DPYD: variants seen among roughly 807,000 people sequenced by gnomAD.
DPYD encodes the protein dihydropyrimidine dehydrogenase, also known as dihydropyrimidine dehydrogenase [NADP(+)].
A neutral mutation model predicts 116.2 loss-of-function variants in DPYD; 109 were observed. The ratio of observed to expected loss-of-function variants is 0.94; its 90% confidence interval spans 0.80 to 1.10. DPYD has a LOEUF of 1.10. DPYD is among the 50% of genes least tolerant of loss of function. DPYD has a pLI of 0.00. For missense variants in DPYD, 1,302 were observed against 1,254.5 expected (o/e 1.04, Z -0.57); for synonymous variants, 440 against 432.0 (o/e 1.02, Z -0.23).
intron 7 of DPYD, among the ~76,000 whole-genome samples, chr1:97,687,178 G>C (rs1008179260): frequency 6.6e-6 from 1 of 152,108 alleles, no homozygotes; most frequent in Non-Finnish European, 1.5e-5. Context: ...CACTCGGGCA[G>C]GAAAACAGCT....
intron 14 of DPYD, among the ~76,000 whole-genome samples, chr1:97,423,579 T>C (rs1674700442): frequency 6.6e-6 from 1 of 152,086 alleles, no homozygotes; most frequent in South Asian, 2.1e-4. Context: ...AAAGCTCTAA[T>C]TTACAACCAG....
chr1:97,255,009 T>C (rs1007279166), intron 18 of DPYD, among the ~76,000 whole-genome samples: 2 of 152,188 alleles, frequency 1.3e-5, no homozygotes, highest in African/African-American at 4.8e-5. Context: ...CTGTTCATCA[T>C]CACCACCTAC....
At chr1:97,456,933 G>C (rs189734495) in intron 13 of DPYD, among the ~76,000 whole-genome samples, 53 of 152,106 alleles carry the variant, frequency 3.5e-4, no homozygotes, top group Non-Finnish European at 7.1e-4. Flanking sequence ...TTCTAAGAAT[G>C]CTTTGACATT....
chr1:97,346,020 T>G (rs1669823511), intron 16 of DPYD, among the ~76,000 whole-genome samples: 1 of 151,988 alleles, frequency 6.6e-6, no homozygotes, highest in African/African-American at 2.4e-5. Flanking sequence ...AAGTTTTTAT[T>G]TCTCATTCCT....
intron 20 of DPYD, among the ~76,000 whole-genome samples, chr1:97,156,424 A>C (rs1422846175): frequency 6.6e-6 from 1 of 152,120 alleles, no homozygotes; most frequent in Non-Finnish European, 1.5e-5. Flanking sequence ...TTACAAGAAA[A>C]AAACAAACAA....
intron 21 of DPYD, among the ~76,000 whole-genome samples, chr1:97,090,388 C>T (rs1437248146): frequency 6.6e-6 from 1 of 152,110 alleles, no homozygotes; most frequent in Non-Finnish European, 1.5e-5. Flanking sequence ...TTTAACCTTT[C>T]TGTTTATCAA....
intron 19 of DPYD, 145 bp downstream of exon 19, chr1:97,234,707 A>G: frequency 1.0e-6 from 1 of 967,360 alleles, no homozygotes; most frequent in Middle Eastern, 2.1e-4. Flanking sequence ...TTGTCAGAGG[A>G]ACTTAATACA....
intron 16 of DPYD, among the ~76,000 whole-genome samples, chr1:97,324,490 C>T (rs891084694): frequency 1.1e-4 from 17 of 152,000 alleles, no homozygotes; most frequent in Non-Finnish European, 1.9e-4. Context: ...CCAAATACTG[C>T]TTCTGTTTAC....
At chr1:97,782,231 C>G (rs547832837) in intron 3 of DPYD, among the ~76,000 whole-genome samples, 47 of 152,324 alleles carry the variant, frequency 3.1e-4, no homozygotes, top group African/African-American at 9.9e-4. Flanking sequence ...TTTGTCCATA[C>G]TGCCTGGTTC....
chr1:97,847,279 T>C (rs776730051), intron 2 of DPYD, among the ~76,000 whole-genome samples: 3 of 151,984 alleles, frequency 2.0e-5, no homozygotes, highest in African/African-American at 7.3e-5. Context: ...AAACAAAAAC[T>C]CTCTCCATTT....
At chr1:97,695,941 C>A (rs758059308) in intron 6 of DPYD, among the ~76,000 whole-genome samples, 2 of 151,714 alleles carry the variant, frequency 1.3e-5, no homozygotes, top group Non-Finnish European at 2.9e-5. Flanking sequence ...ACCAGCCTGG[C>A]CAACATGATG....
At chr1:97,335,351 C>T (rs1480704957) in intron 16 of DPYD, among the ~76,000 whole-genome samples, 1 of 149,846 alleles carries the variant, frequency 6.7e-6, no homozygotes, top group Non-Finnish European at 1.5e-5. Context: ...CACACGATGC[C>T]TGGGATCCAG....
intron 18 of DPYD, among the ~76,000 whole-genome samples, chr1:97,269,389 G>C (rs1664433225): frequency 6.6e-6 from 1 of 152,014 alleles, no homozygotes; most frequent in Non-Finnish European, 1.5e-5. Flanking sequence ...GCTTTTTCTA[G>C]CCTTCTCCTC....
At chr1:97,604,162 G>A (rs911987508) in intron 8 of DPYD, among the ~76,000 whole-genome samples, 2 of 152,208 alleles carry the variant, frequency 1.3e-5, no homozygotes, top group Non-Finnish European at 2.9e-5. Context: ...TATGTGAAAC[G>A]ATGGAGAGCT....
At position 97,908,249 on chromosome 1, in the gene DPYD, T is replaced by C. The variant is rs370033329; in HGVS notation, c.39+12635A>G. On this transcript the variant is annotated intron_variant, in intron 1 of 22. Transcript: ENST00000370192. ...GTTGTAGAGATGGGGTTTTGCCCTA[T>C]TGCCCGGGCTGGTCTTGAACTCCTG... 1.6e-4 allele frequency among the ~76,000 whole-genome samples: 24 copies of C among 152,090 alleles called. No individual in the cohort carries two copies. In the East Asian group the frequency reaches 4.1e-3, roughly 26 times the overall value.
chr1:97,118,316 CCTT>C (rs1652142398), intron 20 of DPYD, among the ~76,000 whole-genome samples: 2 of 152,102 alleles, frequency 1.3e-5, no homozygotes, highest in South Asian at 2.1e-4. Context: ...TGTGATAACA[CCTT>C]CTTTTTCCCC....
At chr1:97,526,258 A>T (rs1173360318) in intron 12 of DPYD, among the ~76,000 whole-genome samples, 1 of 152,148 alleles carries the variant, frequency 6.6e-6, no homozygotes, top group East Asian at 1.9e-4. Flanking sequence ...ATTCTCGAGG[A>T]AAGTAAGAAG....
At chr1:97,764,910 T>C (rs1418942616) in intron 3 of DPYD, among the ~76,000 whole-genome samples, 7 of 152,178 alleles carry the variant, frequency 4.6e-5, no homozygotes, top group South Asian at 2.1e-4. Context: ...AATTAAGGAA[T>C]AAATCAATGA....
intron 8 of DPYD, among the ~76,000 whole-genome samples, chr1:97,663,712 C>G (rs1047775160): frequency 6.6e-6 from 1 of 152,170 alleles, no homozygotes; most frequent in Non-Finnish European, 1.5e-5. Context: ...TTTGCATTGC[C>G]ATGTGAAGTC....
Sources: gnomAD v4.1 joint callset for allele counts (sites outside exome capture counted in the v4.1 genomes callset) on GRCh38, gnomAD v4.1.1 for gene constraint, MANE v1.5 for transcripts, NCBI Gene and HGNC (gene_info 2026-07-23, HGNC 2026-07-21) for gene names.